Variants in PDZRN4 observed in about 807,000 individuals in gnomAD.
PDZRN4 encodes PDZ domain containing ring finger 4, also known as PDZ domain-containing RING finger protein 4.
PDZRN4 carries 70 observed loss-of-function variants against 99.0 expected under a neutral mutation model. The ratio of observed to expected loss-of-function variants is 0.71; its 90% CI spans 0.58 to 0.86. PDZRN4 has a LOEUF of 0.86. Ranked by LOEUF, PDZRN4 falls within the 40% of genes least tolerant of loss-of-function variation. PDZRN4 has a pLI of 0.00. For synonymous variants in PDZRN4, 551 were observed against 501.6 expected, an observed-to-expected ratio of 1.10 and a Z score of -1.32; for missense variants, 1,474 against 1,331.2, an observed-to-expected ratio of 1.11 and a Z score of -1.67.
At chr12:41,336,992 C>A (rs1267440139) in intron 3 of PDZRN4, among the ~76,000 whole-genome samples, 1 of 151,990 alleles carries the variant, frequency 6.6e-6, no homozygotes, top group Non-Finnish European at 1.5e-5. Flanking sequence ...GCTGCATGAC[C>A]CCTAAACTGT....
rs149638012 is a variant in PDZRN4, at chr12:41,219,870, A to G, written c.843+25682A>G. 7.8e-4 allele frequency among the ~76,000 whole-genome samples: 119 copies of G among 152,280 alleles called. 1 individual carries two copies. In the South Asian group the frequency reaches 0.013, roughly 17 times the overall value. ...AGCTGCTGTAGCTTCTGCTACTGATATAACCAACAACATTAATTGGGAAAA... is the reference window on the plus strand; with the variant it reads ...AGCTGCTGTAGCTTCTGCTACTGATGTAACCAACAACATTAATTGGGAAAA... On this transcript the variant is annotated intron_variant, in intron 3 of 9. Coordinates refer to ENST00000402685, the MANE Select transcript of PDZRN4 (RefSeq NM_001164595.2).
chr12:41,550,080 C>A (rs1241955897), intron 5 of PDZRN4, among the ~76,000 whole-genome samples: 1 of 152,148 alleles, frequency 6.6e-6, no homozygotes, highest in Admixed American at 6.6e-5. Flanking sequence ...GAATTATAGG[C>A]AGATTGTGCC....
At chr12:41,362,171 C>G (rs749948830) in intron 3 of PDZRN4, among the ~76,000 whole-genome samples, 1 of 151,960 alleles carries the variant, frequency 6.6e-6, no homozygotes, top group African/African-American at 2.4e-5. Context: ...ATTTTCATGT[C>G]GCACCATCGT....
intron 3 of PDZRN4, among the ~76,000 whole-genome samples, chr12:41,465,311 G>A (rs1952914159): frequency 6.6e-6 from 1 of 152,098 alleles, no homozygotes; most frequent in Non-Finnish European, 1.5e-5. Flanking sequence ...AGAAAAATAC[G>A]TTTACATTTT....
chr12:41,500,907 G>A (rs1938097445), intron 3 of PDZRN4, among the ~76,000 whole-genome samples: 1 of 152,062 alleles, frequency 6.6e-6, no homozygotes, highest in Non-Finnish European at 1.5e-5. Context: ...TTACTAGATT[G>A]TGCTTTGGCA....
rs1952085068 is a variant in PDZRN4 at position 41,376,798 on chromosome 12, T to A, written c.844-129658T>A. ...TTTAGTTTCATCTCCAAAAAGTCAT[T>A]GCCAAGACCAGTGTCAAGGAGTTTT... On this transcript the variant is annotated intron_variant, in intron 3 of 9. Coordinates refer to ENST00000402685, the MANE Select transcript of PDZRN4 (RefSeq NM_001164595.2). 2.0e-5 allele frequency among the ~76,000 whole-genome samples: 3 copies of A among 152,322 alleles called. No homozygotes were observed. The East Asian group carries it at 5.8e-4, about 29-fold the overall frequency.
At chr12:41,370,524 A>G (rs1952033619) in intron 3 of PDZRN4, among the ~76,000 whole-genome samples, 1 of 151,980 alleles carries the variant, frequency 6.6e-6, no homozygotes, top group Non-Finnish European at 1.5e-5. Flanking sequence ...TCTTACAGTT[A>G]TACAGCACTA....
At chr12:41,233,077 T>C (rs1951039628) in intron 3 of PDZRN4, among the ~76,000 whole-genome samples, 1 of 152,114 alleles carries the variant, frequency 6.6e-6, no homozygotes, top group Non-Finnish European at 1.5e-5. Flanking sequence ...TGTAGCCTTG[T>C]AGTATAGTTT....
At chr12:41,306,209 G>A (rs1951568643) in intron 3 of PDZRN4, among the ~76,000 whole-genome samples, 1 of 152,182 alleles carries the variant, frequency 6.6e-6, no homozygotes, top group African/African-American at 2.4e-5. Flanking sequence ...TCAAGCGGTG[G>A]CTCTCTGTGG....
At position 41,362,291 on chromosome 12, in the gene PDZRN4, A is replaced by AT. The variant is rs556897468; in HGVS notation, c.844-144157dup. The stretch of plus-strand genomic sequence containing the variant: ...CTTATAATTACTTTATTTTGCCTGG[A>AT]TTTTTTTTATACTTCTCAATGTGGG... On this transcript the variant is annotated intron_variant, in intron 3 of 9. Transcript: ENST00000402685. Among the ~76,000 whole-genome samples, 266 of 151,856 alleles carry AT rather than the reference A, an allele frequency of 1.8e-3. 2 individuals are homozygous for AT. The highest frequency in any genetic ancestry group is 5.9e-3 in the African/African-American group (244 of 41,444).
At chr12:41,189,829 C>G (rs1489647386) in intron 1 of PDZRN4, among the ~76,000 whole-genome samples, 1 of 152,026 alleles carries the variant, frequency 6.6e-6, no homozygotes, top group East Asian at 1.9e-4. Flanking sequence ...AAGTCCAGTC[C>G]GAGAACCTCC....
intron 3 of PDZRN4, among the ~76,000 whole-genome samples, chr12:41,402,300 C>T (rs865822234): frequency 0.38 from 6 of 16 alleles, 3 homozygotes; most frequent in East Asian, 1. Flanking sequence ...TATATATATA[C>T]ACACAGTGTG....
intron 3 of PDZRN4, among the ~76,000 whole-genome samples, chr12:41,416,407 G>A (rs1040382777): frequency 6.6e-5 from 10 of 152,166 alleles, no homozygotes; most frequent in Admixed American, 1.3e-4. Context: ...CACTTTGGAA[G>A]GCTGAGGCCG....
intron 5 of PDZRN4, among the ~76,000 whole-genome samples, chr12:41,538,230 G>A (rs1220972480): frequency 2.0e-5 from 3 of 151,848 alleles, no homozygotes; most frequent in Non-Finnish European, 4.4e-5. Context: ...GATAATAACA[G>A]CAACTAGAGC....
chr12:41,353,762 T>C (rs1006095276), intron 3 of PDZRN4, among the ~76,000 whole-genome samples: 2 of 152,126 alleles, frequency 1.3e-5, no homozygotes, highest in Non-Finnish European at 2.9e-5. Context: ...AACAACTCTG[T>C]AAGCAACCCA....
intron 3 of PDZRN4, among the ~76,000 whole-genome samples, chr12:41,440,524 G>A (rs1485611730): frequency 6.6e-6 from 1 of 152,028 alleles, no homozygotes; most frequent in African/African-American, 2.4e-5. Context: ...AATCAGAATG[G>A]TGCGCTTAGG....
Position 41,508,711 on chromosome 12 carries a change from G to T in PDZRN4, c.1101-1100G>T, listed in dbSNP as rs1458173. Among the ~76,000 whole-genome samples the T allele has an allele frequency of 8.8e-3, 1,343 of 152,194 alleles. 54 individuals carry two copies. The East Asian group carries it at 0.14, about 15-fold the overall frequency. On this transcript the variant is annotated intron_variant, in intron 4 of 9. Coordinates refer to ENST00000402685, the MANE Select transcript of PDZRN4 (RefSeq NM_001164595.2). The stretch of plus-strand genomic sequence containing the variant: ...TGCCTGTATTACTTTTACCATTTTG[G>T]CCTACACTAGTTAGACCTGTGTGGA...
intron 3 of PDZRN4, among the ~76,000 whole-genome samples, chr12:41,205,757 G>A (rs1950845229): frequency 6.6e-6 from 1 of 151,698 alleles, no homozygotes. Flanking sequence ...AATGTTTACA[G>A]AAGATCACAG....
chr12:41,400,062 G>A (rs932843542), intron 3 of PDZRN4, among the ~76,000 whole-genome samples: 15 of 152,132 alleles, frequency 9.9e-5, no homozygotes, highest in Admixed American at 3.3e-4. Context: ...TTTCAAAAGG[G>A]ATATTGCAGC....
Sources: gnomAD v4.1 joint callset for allele counts (sites outside exome capture counted in the v4.1 genomes callset) on GRCh38, gnomAD v4.1.1 for gene constraint, MANE v1.5 for transcripts, NCBI Gene and HGNC (gene_info 2026-07-23, HGNC 2026-07-21) for gene names.